The following ADCY3 variants were observed in gnomAD, a reference collection of about 807,000 sequenced individuals.
ADCY3 encodes adenylate cyclase type 3.
In ADCY3, 70 loss-of-function variants were observed where a neutral mutation model predicts 119.4. The observed-to-expected ratio is 0.59, with a 90% confidence interval of 0.48 to 0.72. The LOEUF (loss-of-function observed/expected upper bound fraction) is 0.72. Among genes scored for constraint, ADCY3 ranks in the 30% least tolerant of loss-of-function variants. The pLI, the probability that ADCY3 is intolerant of heterozygous loss-of-function variation, is 0.00. For synonymous variants in ADCY3, 672 were observed against 621.4 expected (o/e 1.08, Z -1.21); for missense variants, 1,238 against 1,541.6 (o/e 0.80, Z 3.30).
At position 24,828,163 on chromosome 2, in the gene ADCY3, TGGAGGCCAGGACGGCGGGCAGGGACACAC is replaced by T. The variant is rs1668890159; in HGVS notation, c.2173-31_2173-3del. 1.2e-6 allele frequency: 2 copies of T among 1,612,986 alleles called. No individual in the cohort carries two copies. Among genetic ancestry groups the T allele is most frequent in the Non-Finnish European group, 1.7e-6 (2 of 1,179,552 alleles). ...CGTGTAGTACTGGAGACAGCTGAGC[TGGAGGCCAGGACGGCGGGCAGGGACACAC>T]GTTCAAGAGAACAGCAGGTGCTGGT... On this transcript the variant is annotated splice_polypyrimidine_tract_variant and splice_region_variant and intron_variant, in intron 13 of 21. Transcript: ENST00000679454.
chr2:24,889,327 T>C (rs770030151), intron 2 of ADCY3, among the ~76,000 whole-genome samples: 2 of 152,260 alleles, frequency 1.3e-5, no homozygotes, highest in Non-Finnish European at 2.9e-5. Context: ...TACTCAGCTG[T>C]GGATGCGACA....
At position 24,831,756 on chromosome 2, in the gene ADCY3, C is replaced by G. The variant is rs1558418368; in HGVS notation, c.1968-7G>C. The G allele has an allele frequency of 1.9e-6, 3 of 1,572,472 alleles. No homozygotes were observed. Among genetic ancestry groups the G allele is most frequent in the Admixed American group, 3.5e-5 (2 of 57,864 alleles). Reference sequence around the variant, plus strand: ...CACATAGTTTGTCATTAGCCTGTGACAGAGAGAAGACAATTGGGAGAGGCC... The same window carrying G: ...CACATAGTTTGTCATTAGCCTGTGAGAGAGAGAAGACAATTGGGAGAGGCC... On this transcript the variant is annotated splice_polypyrimidine_tract_variant and splice_region_variant and intron_variant, in intron 11 of 21. Transcript: ENST00000679454.
chr2:24,838,442 C>T lies in ADCY3; in HGVS notation c.1533+3G>A. Reference sequence around the variant, plus strand: ...GGTGGGTGGGGTGGGGTGGGGAACTCACCGAGCCATTGAGGCCATTCTGGG... The same window carrying T: ...GGTGGGTGGGGTGGGGTGGGGAACTTACCGAGCCATTGAGGCCATTCTGGG... On this transcript the variant is annotated splice_donor_region_variant and intron_variant, in intron 8 of 21. Coordinates refer to ENST00000679454, the MANE Select transcript of ADCY3 (RefSeq NM_004036.5). 1 of 1,611,286 alleles carries T rather than the reference C, an allele frequency of 6.2e-7. No individual in the cohort carries two copies. The highest frequency in any genetic ancestry group is 8.5e-7 in the Non-Finnish European group (1 of 1,179,690).
intron 21 of ADCY3, 38 bp from the exon 22 acceptor site, chr2:24,820,152 G>A (rs1401375753): frequency 2.0e-6 from 3 of 1,504,686 alleles, no homozygotes; most frequent in Non-Finnish European, 2.7e-6. Context: ...GGCGTTACGG[G>A]GGGAGCCTAG....
At chr2:24,821,215 C>T in intron 20 of ADCY3, 1 of 447,718 alleles carries the variant, frequency 2.2e-6, no homozygotes, top group Non-Finnish European at 4.0e-6. Context: ...GCCATGTCCT[C>T]AGCAGGCACA....
chr2:24,820,293 A>G (rs1667396113), intron 21 of ADCY3, 179 bp from the exon 22 acceptor site: 4 of 1,284,330 alleles, frequency 3.1e-6, no homozygotes, highest in Non-Finnish European at 4.0e-6. Context: ...GGTGGGAAGG[A>G]GAACCCTGGA....
At chr2:24,897,121 A>G (rs1455554816) in intron 2 of ADCY3, among the ~76,000 whole-genome samples, 1 of 152,056 alleles carries the variant, frequency 6.6e-6, no homozygotes, top group East Asian at 1.9e-4. Flanking sequence ...GAAGAAAGAG[A>G]CCAGCCACCC....
chr2:24,894,776 T>A (rs1440817179), intron 2 of ADCY3, among the ~76,000 whole-genome samples: 1 of 151,892 alleles, frequency 6.6e-6, no homozygotes, highest in Non-Finnish European at 1.5e-5. Flanking sequence ...TGCCTCAACA[T>A]TTTTTGTACT....
Position 24,834,841 on chromosome 2 carries a change from G to A in ADCY3, c.1758C>T (p.Leu586=). ...GCAGGGCCTCGTTGAGCAGCTGGTT[G>A]AGCTCGTGCTCATCTTCAGAGGCAT... The part of the protein sequence containing the change: ...VVDASEDEHE[L]NQLLNEALLE... The change falls in exon 10 of 22, where the codon CTC becomes CTT. Residue 586 remains leucine, a synonymous_variant. Transcript: ENST00000679454. This position sits in a 1 kb window ranked among gnomAD's most constrained non-coding sequence, Gnocchi z 4.2. 6.2e-7 allele frequency: 1 copy of A among 1,613,970 alleles called. No individual in the cohort carries two copies. The highest frequency in any genetic ancestry group is 8.5e-7 in the Non-Finnish European group (1 of 1,180,016).
chr2:24,902,868 A>T (rs1418617622), intron 2 of ADCY3, among the ~76,000 whole-genome samples: 3 of 152,128 alleles, frequency 2.0e-5, no homozygotes, highest in African/African-American at 7.2e-5. Context: ...CGTCTCTACT[A>T]AAAACACAAA....
At chr2:24,861,043 G>A (rs1673581857) in intron 3 of ADCY3, among the ~76,000 whole-genome samples, 2 of 152,194 alleles carry the variant, frequency 1.3e-5, no homozygotes, top group Admixed American at 1.3e-4. Context: ...TTGAGATCAG[G>A]AGTTTGAGAC....
intron 3 of ADCY3, among the ~76,000 whole-genome samples, chr2:24,853,827 C>T (rs1006234530): frequency 1.3e-5 from 2 of 152,172 alleles, no homozygotes; most frequent in African/African-American, 2.4e-5. Flanking sequence ...CTGGGCATTT[C>T]ATCGCTATTC....
chr2:24,896,300 G>A (rs998790393), intron 2 of ADCY3, among the ~76,000 whole-genome samples: 2 of 151,960 alleles, frequency 1.3e-5, no homozygotes, highest in South Asian at 2.1e-4. Flanking sequence ...CAGGAGAATC[G>A]CTTGAACCTG....
chr2:24,904,993 C>T (rs945058624), intron 2 of ADCY3, among the ~76,000 whole-genome samples: 14 of 151,970 alleles, frequency 9.2e-5, no homozygotes, highest in African/African-American at 3.1e-4. Flanking sequence ...GTTGTTTTTG[C>T]TTTTTCCCTG....
At chr2:24,854,931 T>C (rs1226962756) in intron 3 of ADCY3, among the ~76,000 whole-genome samples, 1 of 152,022 alleles carries the variant, frequency 6.6e-6, no homozygotes, top group African/African-American at 2.4e-5. Flanking sequence ...GCACCTGTAA[T>C]ACCAGCTGCT....
intron 3 of ADCY3, among the ~76,000 whole-genome samples, chr2:24,855,490 G>A (rs1002085479): frequency 6.6e-6 from 1 of 152,186 alleles, no homozygotes; most frequent in Non-Finnish European, 1.5e-5. Context: ...CCAAACCCTG[G>A]GGGCCGAGGC....
chr2:24,860,855 T>A (rs2148721900), intron 3 of ADCY3, among the ~76,000 whole-genome samples: 1 of 152,068 alleles, frequency 6.6e-6, no homozygotes, highest in East Asian at 1.9e-4. Flanking sequence ...ACACCTCACT[T>A]CACAGCAGAG....
At position 24,842,790 on chromosome 2, in the gene ADCY3, T is replaced by A. The variant is rs548051593; in HGVS notation, c.826-406A>T. Among the ~76,000 whole-genome samples, 7 of 152,338 alleles carry A rather than the reference T, an allele frequency of 4.6e-5. No homozygotes were observed. In the East Asian group the frequency reaches 1.4e-3, roughly 29 times the overall value. On this transcript the variant is annotated intron_variant, in intron 3 of 21. Transcript: ENST00000679454. The surrounding 1 kb of genome is among the most constrained non-coding windows in gnomAD (Gnocchi z 4.9). ...CACAGAGCCATCGCTCACAAAATTC[T>A]GCTTTGACCTGATCAAAGACTGACA... is the stretch of plus-strand genomic sequence containing the variant.
At chr2:24,888,800 A>G (rs1677357184) in intron 2 of ADCY3, among the ~76,000 whole-genome samples, 1 of 152,208 alleles carries the variant, frequency 6.6e-6, no homozygotes, top group South Asian at 2.1e-4. Flanking sequence ...CCTGAGGTGA[A>G]GAGTTTGAGA....
Sources: gnomAD v4.1 joint callset for allele counts (sites outside exome capture counted in the v4.1 genomes callset) on GRCh38, gnomAD v4.1.1 for gene constraint, Gnocchi (gnomAD v3.1) non-coding constraint, MANE v1.5 for transcripts, NCBI Gene and HGNC (gene_info 2026-07-23, HGNC 2026-07-21) for gene names.